CACNB2: variants seen among roughly 807,000 people sequenced by gnomAD.
The protein encoded by CACNB2 is calcium voltage-gated channel auxiliary subunit beta 2.
A neutral mutation model predicts 73.3 loss-of-function variants in CACNB2; 42 were observed. The ratio of observed to expected loss-of-function variants is 0.57; its 90% CI spans 0.45 to 0.74. CACNB2 has a LOEUF of 0.74. Among genes scored for constraint, CACNB2 ranks in the 30% least tolerant of loss-of-function variants. The pLI is 0.00. For synonymous variants in CACNB2, 348 were observed against 310.3 expected, an observed-to-expected ratio of 1.12 and a Z score of -1.28; for missense variants, 940 against 853.0, an observed-to-expected ratio of 1.10 and a Z score of -1.27.
intron 7 of CACNB2, 117 bp from the exon 8 acceptor site, chr10:18,518,219 A>C (rs1191142562): frequency 1.3e-6 from 1 of 784,884 alleles, no homozygotes; most frequent in African/African-American, 1.7e-5. Flanking sequence ...TGGGGAAAAT[A>C]AAATGTCTGG....
intron 2 of CACNB2, among the ~76,000 whole-genome samples, chr10:18,159,836 G>A (rs762887897): frequency 3.3e-5 from 5 of 152,174 alleles, no homozygotes; most frequent in East Asian, 1.9e-4. Context: ...TGCTGTATGC[G>A]TCACAAACAC....
rs116027280 is a variant in CACNB2 at position 18,440,315 on chromosome 10, T to C, written c.333+38272T>C. ...TCAACATATGAATTTTGGGGGAACA[T>C]GTTCAGTCCATAGTAAAAACTAAGA... On this transcript the variant is annotated intron_variant, in intron 3 of 13. Transcript: ENST00000324631. 4.2e-3 allele frequency among the ~76,000 whole-genome samples: 645 copies of C among 152,234 alleles called. 8 individuals carry two copies. Among genetic ancestry groups the C allele is most frequent in the African/African-American group, 0.015 (604 of 41,520 alleles).
intron 1 of CACNB2, chr10:18,141,123 C>T: frequency 6.5e-7 from 1 of 1,543,218 alleles, no homozygotes; most frequent in African/African-American, 1.4e-5. Flanking sequence ...CAGACTTCTC[C>T]CGGGTTGCTC....
At chr10:18,249,715 C>T (rs1013917718) in intron 2 of CACNB2, among the ~76,000 whole-genome samples, 1 of 152,244 alleles carries the variant, frequency 6.6e-6, no homozygotes. Flanking sequence ...AAGGGAATTT[C>T]ACAAAAGCTT....
At chr10:18,259,938 G>A (rs1467718074) in intron 2 of CACNB2, among the ~76,000 whole-genome samples, 1 of 152,112 alleles carries the variant, frequency 6.6e-6, no homozygotes, top group African/African-American at 2.4e-5. Flanking sequence ...TACTGGTAAA[G>A]TGTTGAGAAT....
At chr10:18,503,532 G>T (rs934952762) in intron 5 of CACNB2, among the ~76,000 whole-genome samples, 3 of 152,124 alleles carry the variant, frequency 2.0e-5, no homozygotes, top group Non-Finnish European at 4.4e-5. Flanking sequence ...GAAGGCGGAG[G>T]TTGCAGTGAG....
intron 3 of CACNB2, among the ~76,000 whole-genome samples, chr10:18,471,078 G>A (rs1418124656): frequency 6.6e-6 from 1 of 152,182 alleles, no homozygotes; most frequent in Non-Finnish European, 1.5e-5. Context: ...GCCAAGGTGG[G>A]TGGATCACCT....
At chr10:18,361,137 T>C (rs868071893) in intron 2 of CACNB2, among the ~76,000 whole-genome samples, 22 of 152,028 alleles carry the variant, frequency 1.4e-4, no homozygotes, top group Admixed American at 2.6e-4. Context: ...TTTTATCTGC[T>C]TGGAGCATCT....
intron 2 of CACNB2, among the ~76,000 whole-genome samples, chr10:18,158,455 A>C (rs539441278): frequency 6.6e-6 from 1 of 152,176 alleles, no homozygotes; most frequent in Non-Finnish European, 1.5e-5. Flanking sequence ...TGGACTTGTT[A>C]TTAAGATTAT....
intron 2 of CACNB2, among the ~76,000 whole-genome samples, chr10:18,359,196 G>A (rs1371509812): frequency 6.6e-6 from 1 of 151,976 alleles, no homozygotes; most frequent in Non-Finnish European, 1.5e-5. Flanking sequence ...CCATTGAGAA[G>A]CCTACCCCCA....
chr10:18,341,065 A>C, intron 2 of CACNB2: 1 of 1,334,894 alleles, frequency 7.5e-7, no homozygotes. Context: ...GCTTGAGCTA[A>C]AATCATACTA....
In CACNB2 at chr10:18,541,389, T is replaced by C. The variant is rs80130376; in HGVS notation, c.*1665T>C. On this transcript the variant is annotated 3_prime_UTR_variant, in exon 14 of 14. Coordinates refer to ENST00000324631, the MANE Select transcript of CACNB2 (RefSeq NM_201596.3). ...CTCAATTACACTGCTGTAAGAAGCTTACAATGTCATCATGTTTAAGGCTAA... is the reference window on the plus strand; with the variant it reads ...CTCAATTACACTGCTGTAAGAAGCTCACAATGTCATCATGTTTAAGGCTAA... 15,310 of 152,542 alleles carry C rather than the reference T, an allele frequency of 0.1. 1,012 individuals are homozygous for C. The highest frequency in any genetic ancestry group is 0.18 in the Middle Eastern group (53 of 292). The allele number at this position is 152,542 out of a possible 1,614,324, so 9.4% of individuals were successfully genotyped here.
intron 2 of CACNB2, among the ~76,000 whole-genome samples, chr10:18,322,790 TGTA>T (rs2040441044): frequency 6.6e-6 from 1 of 152,224 alleles, no homozygotes; most frequent in East Asian, 1.9e-4. Flanking sequence ...TTAATAGACT[TGTA>T]GTGCTTTTAC....
At chr10:18,171,207 C>G (rs2033201823) in intron 2 of CACNB2, among the ~76,000 whole-genome samples, 1 of 152,162 alleles carries the variant, frequency 6.6e-6, no homozygotes, top group African/African-American at 2.4e-5. Context: ...AGGGTCTCTT[C>G]TAGCATGTTT....
intron 2 of CACNB2, among the ~76,000 whole-genome samples, chr10:18,239,844 T>C (rs1367593220): frequency 1.3e-5 from 2 of 152,204 alleles, no homozygotes; most frequent in East Asian, 3.8e-4. Context: ...TATAAAGCAC[T>C]AAATGCTTTT....
Position 18,536,275 on chromosome 10 carries a change from G to GTTTTTTTTTTTTTTTT in CACNB2, c.1302+79_1302+80insTTTTTTTTTTTTTTTT, listed in dbSNP as rs2053587888. On this transcript the variant is annotated intron_variant, in intron 12 of 13. Transcript: ENST00000324631. Reference sequence around the variant, plus strand: ...TTTTTTTTTTTTTTTTTTTTTTTTGGGGGACAAGGTCTTGCTCTGTTGCCC... The same window carrying GTTTTTTTTTTTTTTTT: ...TTTTTTTTTTTTTTTTTTTTTTTTGGTTTTTTTTTTTTTTTTGGGACAAGGTCTTGCTCTGTTGCCC... 1.8e-3 allele frequency: 163 copies of GTTTTTTTTTTTTTTTT among 92,504 alleles called. 29 individuals carry two copies. The highest frequency in any genetic ancestry group is 3.8e-3 in the African/African-American group (39 of 10,154). The allele number at this position is 92,504 out of a possible 1,614,324, so 5.7% of individuals were successfully genotyped here. A position where few individuals can be genotyped will look rare whatever the true frequency, so the allele number is the denominator to read the frequency against.
At chr10:18,463,431 A>G (rs1039371387) in intron 3 of CACNB2, among the ~76,000 whole-genome samples, 1 of 151,860 alleles carries the variant, frequency 6.6e-6, no homozygotes, top group Non-Finnish European at 1.5e-5. Flanking sequence ...TTTGGAATCA[A>G]GGTCCTGCTT....
In CACNB2 at chr10:18,203,633, A is replaced by G. The variant is rs116850398; in HGVS notation, c.213+52658A>G. Among the ~76,000 whole-genome samples, 28 of 152,268 alleles carry G rather than the reference A, an allele frequency of 1.8e-4. No individual in the cohort carries two copies. In the East Asian group the frequency reaches 5.4e-3, roughly 29 times the overall value. Reference sequence around the variant, plus strand: ...GTGTGTATATACATAGAGAAACATAACGGGGCGAGTGATCGTTGATTATTT... The same window carrying G: ...GTGTGTATATACATAGAGAAACATAGCGGGGCGAGTGATCGTTGATTATTT... On this transcript the variant is annotated intron_variant, in intron 2 of 13. Transcript: ENST00000324631.
At chr10:18,522,405 G>T (rs889022085) in intron 9 of CACNB2, among the ~76,000 whole-genome samples, 1 of 152,140 alleles carries the variant, frequency 6.6e-6, no homozygotes, top group Non-Finnish European at 1.5e-5. Flanking sequence ...GTGCCAAAAA[G>T]GTTGGGGACT....
Sources: allele counts gnomAD v4.1 joint callset (sites outside exome capture counted in the v4.1 genomes callset), GRCh38; gene constraint gnomAD v4.1.1; transcripts MANE v1.5; gene names NCBI Gene and HGNC (gene_info 2026-07-23, HGNC 2026-07-21).